The following ATRNL1 variants were observed in gnomAD, a reference collection of about 807,000 sequenced individuals.
ATRNL1 encodes the protein attractin-like protein 1.
In ATRNL1, 95 loss-of-function variants were observed where a neutral mutation model predicts 182.7. The ratio of observed to expected loss-of-function variants is 0.52; its 90% CI spans 0.44 to 0.62. The LOEUF (loss-of-function observed/expected upper bound fraction) is 0.62, where lower values mean the gene tolerates loss of function less well. Ranked by LOEUF, ATRNL1 falls within the 20% of genes least tolerant of loss-of-function variation. The pLI is 0.00. For synonymous variants in ATRNL1, 576 were observed against 568.3 expected (o/e 1.01, Z -0.19); for missense variants, 1,471 against 1,679.5 (o/e 0.88, Z 2.17).
intron 1 of ATRNL1, among the ~76,000 whole-genome samples, chr10:115,108,108 A>C (rs1844097185): frequency 6.6e-6 from 1 of 152,174 alleles, no homozygotes; most frequent in African/African-American, 2.4e-5. Context: ...TTCTTTACAT[A>C]TACAAACTGT....
intron 4 of ATRNL1, chr10:115,128,441 A>G: frequency 1.2e-6 from 1 of 809,516 alleles, no homozygotes; most frequent in Non-Finnish European, 1.5e-6. Flanking sequence ...ATTTTTCACC[A>G]GAAATATTAT....
At position 115,227,126 on chromosome 10, in the gene ATRNL1, GCAAA is replaced by G. The variant is rs782054808; in HGVS notation, c.1532+11249_1532+11252del. On this transcript the variant is annotated intron_variant, in intron 9 of 28. Coordinates refer to ENST00000355044, the MANE Select transcript of ATRNL1 (RefSeq NM_207303.4). ...CACAGCAAAAGAAACCATTAGCAGA[GCAAA>G]CAGACAGCCTACAAAATGGGAGAAG... Among the ~76,000 whole-genome samples, 10 of 152,186 alleles carry G rather than the reference GCAAA, an allele frequency of 6.6e-5. No homozygotes were observed. The East Asian group carries it at 7.7e-4, about 12-fold the overall frequency.
intron 27 of ATRNL1, among the ~76,000 whole-genome samples, chr10:115,822,831 C>T (rs1203510272): frequency 6.6e-6 from 1 of 152,170 alleles, no homozygotes; most frequent in African/African-American, 2.4e-5. Context: ...GATGGGTTCA[C>T]AGCCGAATTC....
chr10:115,720,640 A>G (rs1163979149), intron 26 of ATRNL1, among the ~76,000 whole-genome samples: 1 of 152,212 alleles, frequency 6.6e-6, no homozygotes, highest in Non-Finnish European at 1.5e-5. Flanking sequence ...ATCTTTAAGA[A>G]ACAAGATCAT....
At chr10:115,445,813 G>GTTATGTCCAAA in intron 21 of ATRNL1, among the ~76,000 whole-genome samples, 1 of 145,450 alleles carries the variant, frequency 6.9e-6, no homozygotes, top group African/African-American at 2.5e-5. Context: ...TCTTCTTTTT[G>GTTATGTCCAAA]TCTGTATGGA....
chr10:115,134,564 G>A (rs1366413056), intron 5 of ATRNL1, among the ~76,000 whole-genome samples: 1 of 152,132 alleles, frequency 6.6e-6, no homozygotes, highest in Non-Finnish European at 1.5e-5. Context: ...AGCAAAAAAT[G>A]TCCAGGACCA....
intron 26 of ATRNL1, among the ~76,000 whole-genome samples, chr10:115,612,773 G>A (rs1857232671): frequency 6.6e-6 from 1 of 152,166 alleles, no homozygotes; most frequent in African/African-American, 2.4e-5. Context: ...ATAGGCATGT[G>A]CGCATGAGGG....
At chr10:115,766,217 G>C (rs1263188893) in intron 27 of ATRNL1, among the ~76,000 whole-genome samples, 3 of 152,272 alleles carry the variant, frequency 2.0e-5, no homozygotes, top group East Asian at 3.9e-4. Flanking sequence ...AAGTCAAATT[G>C]CTGGTTCAAA....
chr10:115,517,333 G>A (rs1554984114), intron 24 of ATRNL1, among the ~76,000 whole-genome samples: 1 of 151,376 alleles, frequency 6.6e-6, no homozygotes, highest in African/African-American at 2.4e-5. Context: ...TATTAATATT[G>A]GTTTATATGT....
chr10:115,878,693 C>G (rs1359431114), intron 28 of ATRNL1, among the ~76,000 whole-genome samples: 3 of 152,062 alleles, frequency 2.0e-5, no homozygotes, highest in Non-Finnish European at 4.4e-5. Flanking sequence ...TGTATTGGAG[C>G]CTTACAGTTT....
chr10:115,444,931 A>G (rs1554966359), intron 21 of ATRNL1, among the ~76,000 whole-genome samples: 1 of 150,758 alleles, frequency 6.6e-6, no homozygotes, highest in African/African-American at 2.4e-5. Context: ...GGGTTTCACC[A>G]TGTTGGCCAG....
chr10:115,783,720 T>C (rs1219761992), intron 27 of ATRNL1, among the ~76,000 whole-genome samples: 1 of 152,098 alleles, frequency 6.6e-6, no homozygotes, highest in Admixed American at 6.6e-5. Context: ...GAAAGAATTA[T>C]AAAGTGATTC....
At chr10:115,587,043 G>A (rs1199887392) in intron 26 of ATRNL1, among the ~76,000 whole-genome samples, 1 of 149,770 alleles carries the variant, frequency 6.7e-6, no homozygotes, top group Admixed American at 6.7e-5. Flanking sequence ...CCTACTGGGG[G>A]GTGCCTCCCA....
chr10:115,414,920 G>T (rs1471193994), intron 20 of ATRNL1, among the ~76,000 whole-genome samples: 1 of 151,728 alleles, frequency 6.6e-6, no homozygotes. Context: ...TTATGCATAT[G>T]TACCATAGGT....
intron 27 of ATRNL1, among the ~76,000 whole-genome samples, chr10:115,825,682 T>C (rs1950414400): frequency 6.6e-6 from 1 of 152,178 alleles, no homozygotes. Flanking sequence ...TTTAACCATG[T>C]CAAGCTGCAT....
chr10:115,437,641 G>C (rs1846465507), intron 21 of ATRNL1, among the ~76,000 whole-genome samples: 1 of 151,914 alleles, frequency 6.6e-6, no homozygotes, highest in African/African-American at 2.4e-5. Flanking sequence ...GTCAAAGTCT[G>C]TATGTATCCT....
At chr10:115,115,172 A>G (rs1554869529) in intron 1 of ATRNL1, among the ~76,000 whole-genome samples, 2 of 152,170 alleles carry the variant, frequency 1.3e-5, no homozygotes, top group African/African-American at 4.8e-5. Context: ...TGTGGAATCT[A>G]AAAATTTGAA....
chr10:115,106,718 A>G (rs545262090), intron 1 of ATRNL1, among the ~76,000 whole-genome samples: 1 of 152,238 alleles, frequency 6.6e-6, no homozygotes, highest in African/African-American at 2.4e-5. Context: ...TGCCACTGCC[A>G]TGTAAGAAGT....
intron 15 of ATRNL1, among the ~76,000 whole-genome samples, chr10:115,288,662 C>G (rs1333159270): frequency 6.6e-6 from 1 of 151,966 alleles, no homozygotes; most frequent in Non-Finnish European, 1.5e-5. Context: ...GCTGGGATTA[C>G]AGGCGTGTGC....
Sources: gnomAD v4.1 joint callset for allele counts (sites outside exome capture counted in the v4.1 genomes callset) on GRCh38, gnomAD v4.1.1 for gene constraint, MANE v1.5 for transcripts, NCBI Gene and HGNC (gene_info 2026-07-23, HGNC 2026-07-21) for gene names.